Variants in NTM observed in about 807,000 individuals in gnomAD.
NTM encodes the protein neurotrimin, also known as IgLON family member 2.
Under a neutral mutation model 42.1 loss-of-function variants are expected in NTM, and 13 were observed. That is an observed-to-expected ratio of 0.31 (90% CI 0.20 to 0.49). The LOEUF is 0.49. Among genes scored for constraint, NTM ranks in the 20% least tolerant of loss-of-function variants. The probability of loss-of-function intolerance (pLI) is 0.99; values close to 1 mark genes in which losing one functional copy is unlikely to be tolerated. For missense variants in NTM, 373 were observed against 452.8 expected, an observed-to-expected ratio of 0.82 and a Z score of 1.60; for synonymous variants, 187 against 179.2, an observed-to-expected ratio of 1.04 and a Z score of -0.35.
chr11:131,771,969 C>A (rs1222357440), intron 1 of NTM, among the ~76,000 whole-genome samples: 1 of 152,148 alleles, frequency 6.6e-6, no homozygotes, highest in African/African-American at 2.4e-5. Flanking sequence ...TCTTCTGATG[C>A]CATTTTCAAA....
chr11:132,254,622 A>T (rs909828395), intron 4 of NTM, among the ~76,000 whole-genome samples: 2 of 151,626 alleles, frequency 1.3e-5, no homozygotes, highest in African/African-American at 4.8e-5. Context: ...TTTCTTCTCC[A>T]ATGTGATCCC....
intron 8 of NTM, among the ~76,000 whole-genome samples, chr11:132,333,657 G>A (rs991068249): frequency 6.6e-6 from 1 of 152,090 alleles, no homozygotes; most frequent in African/African-American, 2.4e-5. Context: ...TATCCCCTGG[G>A]CTTCTCAGCA....
chr11:131,972,149 G>T (rs2063652723), intron 2 of NTM, among the ~76,000 whole-genome samples: 1 of 151,150 alleles, frequency 6.6e-6, no homozygotes, highest in South Asian at 2.1e-4. Flanking sequence ...GGAGTTTGAG[G>T]TTGCAATGAG....
intron 1 of NTM, among the ~76,000 whole-genome samples, chr11:131,457,653 G>C (rs1565521017): frequency 6.6e-6 from 1 of 152,174 alleles, no homozygotes; most frequent in African/African-American, 2.4e-5. Context: ...GTGAAATCCG[G>C]AGTTCAGGAA....
chr11:131,959,704 C>G (rs536142393), intron 2 of NTM, among the ~76,000 whole-genome samples: 118 of 152,136 alleles, frequency 7.8e-4, no homozygotes, highest in Non-Finnish European at 1.4e-3. Context: ...TCTGACTGAT[C>G]AAGGTTGGTA....
At chr11:131,558,036 C>T (rs567804624) in intron 1 of NTM, among the ~76,000 whole-genome samples, 2 of 152,158 alleles carry the variant, frequency 1.3e-5, no homozygotes, top group African/African-American at 2.4e-5. Context: ...TACTGACATA[C>T]GAAACCAGGA....
intron 2 of NTM, among the ~76,000 whole-genome samples, chr11:131,934,237 T>C (rs2058969987): frequency 6.6e-6 from 1 of 152,210 alleles, no homozygotes; most frequent in South Asian, 2.1e-4. Context: ...CTTTATTGTA[T>C]TGTGGTAACC....
intron 1 of NTM, among the ~76,000 whole-genome samples, chr11:131,485,464 G>A (rs1954072093): frequency 6.6e-6 from 1 of 152,140 alleles, no homozygotes; most frequent in African/African-American, 2.4e-5. Context: ...ACAACTCCAG[G>A]TGAATGTTCG....
At chr11:131,877,193 G>A (rs1363130370) in intron 1 of NTM, among the ~76,000 whole-genome samples, 1 of 152,266 alleles carries the variant, frequency 6.6e-6, no homozygotes, top group African/African-American at 2.4e-5. Flanking sequence ...AACACTTGCT[G>A]TGCTGGGATT....
At chr11:131,476,871 G>A (rs140785330) in intron 1 of NTM, among the ~76,000 whole-genome samples, 245 of 149,852 alleles carry the variant, frequency 1.6e-3, no homozygotes, top group African/African-American at 5.4e-3. Flanking sequence ...GTCTTATGAT[G>A]ACGTCCAGCC....
At chr11:132,281,788 C>A (rs1019206729) in intron 4 of NTM, among the ~76,000 whole-genome samples, 2 of 152,084 alleles carry the variant, frequency 1.3e-5, no homozygotes, top group South Asian at 4.1e-4. Flanking sequence ...AGGAATATAG[C>A]CTTGTGAATT....
intron 1 of NTM, among the ~76,000 whole-genome samples, chr11:131,524,270 C>T (rs888787611): frequency 2.0e-5 from 3 of 152,202 alleles, no homozygotes; most frequent in South Asian, 2.1e-4. Context: ...TGTTTCTACA[C>T]GATCTTTCCA....
intron 1 of NTM, among the ~76,000 whole-genome samples, chr11:131,517,478 G>C (rs1259510053): frequency 1.3e-5 from 2 of 152,170 alleles, no homozygotes; most frequent in African/African-American, 4.8e-5. Context: ...GCTGGAAAAT[G>C]GGGGAGTAGA....
At chr11:131,834,076 A>G (rs1178360679) in intron 1 of NTM, among the ~76,000 whole-genome samples, 1 of 152,056 alleles carries the variant, frequency 6.6e-6, no homozygotes, top group Non-Finnish European at 1.5e-5. Flanking sequence ...TCTCTTCTTT[A>G]TCCTGATATC....
chr11:131,678,704 G>A (rs1193744444), intron 1 of NTM, among the ~76,000 whole-genome samples: 1 of 152,134 alleles, frequency 6.6e-6, no homozygotes, highest in East Asian at 1.9e-4. Context: ...AGCTCTTGGA[G>A]CTCCTGTTTC....
At chr11:132,039,903 C>G (rs2076969402) in intron 2 of NTM, among the ~76,000 whole-genome samples, 1 of 152,158 alleles carries the variant, frequency 6.6e-6, no homozygotes, top group African/African-American at 2.4e-5. Context: ...AGATAACCAC[C>G]TGAAAGTCAT....
At chr11:132,114,875 C>T (rs2063679032) in intron 2 of NTM, among the ~76,000 whole-genome samples, 1 of 152,178 alleles carries the variant, frequency 6.6e-6, no homozygotes, top group Non-Finnish European at 1.5e-5. Context: ...GCTTCCATAT[C>T]TTAGCTATTG....
At chr11:131,932,508 C>T (rs774509915) in intron 2 of NTM, among the ~76,000 whole-genome samples, 16 of 152,158 alleles carry the variant, frequency 1.1e-4, no homozygotes, top group East Asian at 3.9e-4. Context: ...GTGTCTAAAA[C>T]GGTGCAGAGC....
intron 1 of NTM, among the ~76,000 whole-genome samples, chr11:131,569,754 G>GT (rs981006883): frequency 4.0e-5 from 6 of 151,802 alleles, no homozygotes; most frequent in South Asian, 2.1e-4. Flanking sequence ...CTTTTAAAAA[G>GT]TTTTTTTTGT....
Sources: gnomAD v4.1 joint callset for allele counts (sites outside exome capture counted in the v4.1 genomes callset) on GRCh38, gnomAD v4.1.1 for gene constraint, MANE v1.5 for transcripts, NCBI Gene and HGNC (gene_info 2026-07-23, HGNC 2026-07-21) for gene names.